The following TNPO3 variants were observed in gnomAD, a reference collection of about 807,000 sequenced individuals.
TNPO3 encodes transportin 3, also known as transportin-3.
A neutral mutation model predicts 122.8 loss-of-function variants in TNPO3; 65 were observed. The ratio of observed to expected loss-of-function variants is 0.53; its 90% CI spans 0.43 to 0.65. The LOEUF is 0.65. Ranked by LOEUF, TNPO3 falls within the 30% of genes least tolerant of loss-of-function variation. The pLI, the probability that TNPO3 is intolerant of heterozygous loss-of-function variation, is 0.00. For missense variants in TNPO3, 850 were observed against 1,136.7 expected, an observed-to-expected ratio of 0.75 and a Z score of 3.63; for synonymous variants, 372 against 411.2, an observed-to-expected ratio of 0.90 and a Z score of 1.15.
At chr7:128,974,762 C>G (rs953475978) in intron 18 of TNPO3, 106 bp downstream of exon 18, 1 of 917,110 alleles carries the variant, frequency 1.1e-6, no homozygotes, top group African/African-American at 1.6e-5. Context: ...AATCTACTTA[C>G]TCCAGTGACT....
intron 7 of TNPO3, among the ~76,000 whole-genome samples, 169 bp from the exon 8 acceptor site, chr7:128,997,704 T>C (rs551524960): frequency 3.9e-5 from 6 of 152,340 alleles, no homozygotes; most frequent in African/African-American, 1.4e-4. Flanking sequence ...TCTCCCCAAA[T>C]TGTCTTCCCA....
chr7:128,999,824 G>A (rs1361267355), intron 7 of TNPO3, among the ~76,000 whole-genome samples: 1 of 151,980 alleles, frequency 6.6e-6, no homozygotes, highest in Non-Finnish European at 1.5e-5. Flanking sequence ...TGTTGGCCAG[G>A]CTGGTCTCAA....
chr7:128,992,913 T>C (rs1447836580), intron 9 of TNPO3, among the ~76,000 whole-genome samples: 2 of 152,106 alleles, frequency 1.3e-5, no homozygotes, highest in African/African-American at 2.4e-5. Flanking sequence ...GATCAAAGGA[T>C]TTCTCAAAGC....
chr7:128,975,957 A>G, intron 16 of TNPO3, 22 bp from the exon 17 acceptor site: 1 of 1,517,070 alleles, frequency 6.6e-7, no homozygotes, highest in Middle Eastern at 1.7e-4. Context: ...AAAAACAATT[A>G]GTTCAATGCT....
intron 18 of TNPO3, 93 bp downstream of exon 18, chr7:128,974,775 A>G: frequency 9.2e-7 from 1 of 1,083,984 alleles, no homozygotes; most frequent in East Asian, 2.4e-5. Flanking sequence ...CAGTGACTTC[A>G]TTTTACAAGA....
chr7:129,014,986 G>C lies in TNPO3; in HGVS notation c.545C>G (p.Ser182Cys). ...DLAFYSSTVV[S>C]LLMTCVEKAG... ...TATTTCAAACTTACTCACCAATAGA[G>C]ATACTACTGTACTAGAGTAGAAGGC... is the stretch of plus-strand genomic sequence containing the variant. The change falls in exon 4 of 23, where the codon TCT (serine) becomes TGT (cysteine). Residue 182 changes from serine (S) to cysteine (C), a missense_variant. Physicochemically the swap from Ser to Cys is moderately radical, Grantham distance 112 (BLOSUM62 -1). Transcript: ENST00000265388. 1 of 1,594,274 alleles carries C rather than the reference G, an allele frequency of 6.3e-7. No homozygotes were observed.
intron 2 of TNPO3, 85 bp from the exon 3 acceptor site, chr7:129,017,141 T>G: frequency 7.7e-7 from 1 of 1,295,974 alleles, no homozygotes; most frequent in Non-Finnish European, 1.1e-6. Context: ...AAGAAACATT[T>G]CTTCCAAACA....
At chr7:129,015,219 C>G in intron 3 of TNPO3, 84 bp from the exon 4 acceptor site, 1 of 1,432,386 alleles carries the variant, frequency 7.0e-7, no homozygotes, top group Admixed American at 2.3e-5. Context: ...GAGTAACTCA[C>G]AACAACAAAA....
intron 4 of TNPO3, among the ~76,000 whole-genome samples, chr7:129,012,003 C>CTTTTTTT (rs1174882837): frequency 3.0e-5 from 4 of 131,710 alleles, no homozygotes; most frequent in Non-Finnish European, 4.8e-5. Flanking sequence ...CTTTTTCTTT[C>CTTTTTTT]TTTTTTTTTT....
intron 5 of TNPO3, among the ~76,000 whole-genome samples, chr7:129,004,237 C>T (rs1276039623): frequency 1.3e-5 from 2 of 152,104 alleles, no homozygotes; most frequent in Admixed American, 6.5e-5. Flanking sequence ...TGAGTAATAG[C>T]GCATCGGCAT....
Position 128,997,492 on chromosome 7 carries a change from T to C in TNPO3, c.1055A>G (p.His352Arg). 1.2e-6 allele frequency: 2 copies of C among 1,614,122 alleles called. No individual in the cohort carries two copies. The highest frequency in any genetic ancestry group is 1.7e-6 in the Non-Finnish European group (2 of 1,179,954). ...AACTTCATCGTTAGTTTTGTACAAA[T>C]GTTCCCCCAGTCGGTACCAAAAGTT... is the stretch of plus-strand genomic sequence containing the variant. ...SFNFWYRLGEHLYKTNDEVIH... is the reference protein window; with the variant it reads ...SFNFWYRLGERLYKTNDEVIH... The change falls in exon 8 of 23, where the codon CAT (histidine) becomes CGT (arginine). Residue 352 changes from histidine (H) to arginine (R), a missense_variant. His to Arg is a conservative substitution (Grantham distance 29). Coordinates refer to ENST00000265388, the MANE Select transcript of TNPO3 (RefSeq NM_012470.4).
chr7:128,975,095 G>T, intron 17 of TNPO3, 133 bp from the exon 18 acceptor site: 5 of 680,774 alleles, frequency 7.3e-6, no homozygotes, highest in Non-Finnish European at 1.2e-5. Flanking sequence ...GAAAAAGATT[G>T]TAATGAGAAT....
intron 21 of TNPO3, among the ~76,000 whole-genome samples, chr7:128,959,582 T>C (rs1277005023): frequency 4.6e-5 from 7 of 152,180 alleles, no homozygotes; most frequent in Non-Finnish European, 8.8e-5. Flanking sequence ...GGGAGAACTT[T>C]AGTGCGATAG....
chr7:128,960,950 G>A (rs539600880), intron 21 of TNPO3, among the ~76,000 whole-genome samples: 28 of 152,060 alleles, frequency 1.8e-4, no homozygotes, highest in African/African-American at 5.3e-4. Context: ...TAGTAGAGAT[G>A]GGGTTTCACC....
chr7:128,962,938 T>C (rs1495458), intron 21 of TNPO3, among the ~76,000 whole-genome samples: 1 of 152,198 alleles, frequency 6.6e-6, no homozygotes, highest in South Asian at 2.1e-4. Context: ...TTATCTGTCA[T>C]ATATTAGTCC....
At chr7:129,001,022 G>A (rs750721340) in intron 6 of TNPO3, 37 bp downstream of exon 6, 13 of 1,603,996 alleles carry the variant, frequency 8.1e-6, no homozygotes, top group African/African-American at 2.7e-5. Context: ...CCAGACTGTA[G>A]GTAAACCCAG....
At chr7:129,023,732 T>C (rs1391934520) in intron 1 of TNPO3, among the ~76,000 whole-genome samples, 1 of 152,174 alleles carries the variant, frequency 6.6e-6, no homozygotes, top group African/African-American at 2.4e-5. Flanking sequence ...ATAAACTCAT[T>C]ATCTTACAAG....
intron 21 of TNPO3, among the ~76,000 whole-genome samples, chr7:128,964,726 T>C (rs893261922): frequency 9.2e-5 from 14 of 152,298 alleles, no homozygotes; most frequent in African/African-American, 3.1e-4. Flanking sequence ...CAGCATGGTA[T>C]TGACATAAAG....
chr7:128,972,940 G>A (rs904519044), intron 18 of TNPO3, among the ~76,000 whole-genome samples: 1 of 152,086 alleles, frequency 6.6e-6, no homozygotes, highest in Non-Finnish European at 1.5e-5. Flanking sequence ...GTGTGTGTTA[G>A]GAGGGAGGGG....
Sources: allele counts gnomAD v4.1 joint callset (sites outside exome capture counted in the v4.1 genomes callset), GRCh38; gene constraint gnomAD v4.1.1; transcripts MANE v1.5; gene names NCBI Gene and HGNC (gene_info 2026-07-23, HGNC 2026-07-21).